The following SRD5A2 variants were observed in gnomAD, a reference collection of about 807,000 sequenced individuals.
The protein encoded by SRD5A2 is 3-oxo-5-alpha-steroid 4-dehydrogenase 2.
A neutral mutation model predicts 27.4 loss-of-function variants in SRD5A2; 30 were observed. The ratio of observed to expected loss-of-function variants is 1.10; its 90% CI spans 0.82 to 1.49. The LOEUF is 1.49. Ranked by LOEUF, SRD5A2 falls within the 40% of genes most tolerant of loss-of-function variation. The pLI is 0.00. For synonymous variants in SRD5A2, 141 were observed against 133.6 expected, an observed-to-expected ratio of 1.06 and a Z score of -0.38; for missense variants, 348 against 323.4, an observed-to-expected ratio of 1.08 and a Z score of -0.58.
chr2:31,585,740 C>A (rs1049355109), upstream of SRD5A2, among the ~76,000 whole-genome samples: 1 of 152,118 alleles, frequency 6.6e-6, no homozygotes, highest in Non-Finnish European at 1.5e-5. Flanking sequence ...GGTAAAGCAC[C>A]AAGCAAGCTC....
chr2:31,591,369 T>A, the SRD5A2 span, among the ~76,000 whole-genome samples: 2 of 152,088 alleles, frequency 1.3e-5, no homozygotes, highest in African/African-American at 2.4e-5. Flanking sequence ...GAGAAATGCA[T>A]ATCAAAACCA....
At chr2:31,605,867 G>C in the SRD5A2 span, among the ~76,000 whole-genome samples, 1 of 151,876 alleles carries the variant, frequency 6.6e-6, no homozygotes, top group East Asian at 1.9e-4. Flanking sequence ...TTGTAGCACT[G>C]TTCATAATAT....
At chr2:31,567,510 A>T (rs902950070) in intron 1 of SRD5A2, among the ~76,000 whole-genome samples, 1 of 150,874 alleles carries the variant, frequency 6.6e-6, no homozygotes, top group African/African-American at 2.4e-5. Context: ...TTCATGTCAC[A>T]TGAAGCCATG....
the SRD5A2 span, among the ~76,000 whole-genome samples, chr2:31,593,116 C>CG: frequency 4.7e-5 from 7 of 150,096 alleles, no homozygotes; most frequent in Non-Finnish European, 1.0e-4. Context: ...GTTGTGGGGT[C>CG]GGGGGAGAGG....
the SRD5A2 span, among the ~76,000 whole-genome samples, chr2:31,593,518 A>C: frequency 2.6e-5 from 4 of 152,180 alleles, no homozygotes; most frequent in Non-Finnish European, 5.9e-5. Context: ...AACAATTAAC[A>C]AAACCTCCAA....
intron 1 of SRD5A2, among the ~76,000 whole-genome samples, chr2:31,538,815 TA>T (rs1418644078): frequency 6.6e-6 from 1 of 152,248 alleles, no homozygotes; most frequent in African/African-American, 2.4e-5. Flanking sequence ...TTTACTAACA[TA>T]TTCTACTTTC....
In SRD5A2 at chr2:31,531,434, G is replaced by T; in HGVS notation, c.484C>A (p.His162Asn). 6.2e-7 allele frequency: 1 copy of T among 1,601,270 alleles called. No homozygotes were observed. The highest frequency in any genetic ancestry group is 8.5e-7 in the Non-Finnish European group (1 of 1,173,526). ...AGCTGGCGCAATATATAGTCACTAT[G>T]AATGTTTATTCCCATTCCCAAAATA... ...LFILGMGINI[H>N]SDYILRQLRK... The change falls in exon 3 of 5, where the codon CAT becomes AAT. Residue 162 changes from histidine (H) to asparagine (N), a missense_variant. By Grantham distance (68) the His-to-Asn change is moderately conservative (BLOSUM62 1). Coordinates refer to ENST00000622030, the MANE Select transcript of SRD5A2 (RefSeq NM_000348.4).
At chr2:31,661,773 C>T in the SRD5A2 span, among the ~76,000 whole-genome samples, 1 of 151,970 alleles carries the variant, frequency 6.6e-6, no homozygotes, top group African/African-American at 2.4e-5. Flanking sequence ...CCTCATTCTC[C>T]CTCACCTCTC....
the SRD5A2 span, chr2:31,651,237 A>G: frequency 1.3e-5 from 2 of 152,220 alleles, no homozygotes; most frequent in Non-Finnish European, 2.9e-5. Context: ...GAGATGCACA[A>G]AGACCATTAT....
At chr2:31,529,850 A>T (rs1353874702) in intron 3 of SRD5A2, among the ~76,000 whole-genome samples, 1 of 152,182 alleles carries the variant, frequency 6.6e-6, no homozygotes, top group African/African-American at 2.4e-5. Flanking sequence ...ACACGTTCAC[A>T]TTCACAGTCC....
the SRD5A2 span, among the ~76,000 whole-genome samples, chr2:31,648,024 G>A: frequency 2.6e-5 from 4 of 152,158 alleles, no homozygotes; most frequent in African/African-American, 9.7e-5. Context: ...CAAAGACTGT[G>A]TGCATGTTTT....
At position 31,522,796 on chromosome 2, in the gene SRD5A2, T is replaced by C; in HGVS notation, c.*3400A>G. The C allele has an allele frequency of 4.5e-6, 1 of 221,846 alleles. No homozygotes were observed. The highest frequency in any genetic ancestry group is 9.0e-6 in the Non-Finnish European group (1 of 110,806). 13.7% of individuals were successfully genotyped at this position (221,846 alleles called of 1,614,324 possible). A position where few individuals can be genotyped will look rare whatever the true frequency, so the allele number is the denominator to read the frequency against. On this transcript the variant is annotated 3_prime_UTR_variant, in exon 5 of 5. Transcript: ENST00000622030. ...TACATTTGCCGTTACCCTCCTTGTTTTCCCTGCATGGACCTCAGCTCACAG... is the reference window on the plus strand; with the variant it reads ...TACATTTGCCGTTACCCTCCTTGTTCTCCCTGCATGGACCTCAGCTCACAG...
chr2:31,592,465 T>C, the SRD5A2 span, among the ~76,000 whole-genome samples: 1 of 152,096 alleles, frequency 6.6e-6, no homozygotes, highest in East Asian at 1.9e-4. Context: ...CCCTGACACC[T>C]CCACCAGAGC....
chr2:31,580,734 T>C lies in SRD5A2; in HGVS notation c.167A>G (p.Gln56Arg), dbSNP rs1357268588. 31 of 1,608,976 alleles carry C rather than the reference T, an allele frequency of 1.9e-5. No homozygotes were observed. Among genetic ancestry groups the C allele is most frequent in the Middle Eastern group, 1.7e-4 (1 of 5,998 alleles). The change falls in exon 1 of 5, where the codon CAG becomes CGG. Residue 56 changes from glutamine to arginine, a missense_variant. Physicochemically the swap from Gln to Arg is conservative, Grantham distance 43. Transcript: ENST00000622030. ...RLPARAAWFL[Q>R]ELPSFAVPAG... Reference sequence around the variant, plus strand: ...GGGCACCGCGAAGGAAGGCAGCTCCTGCAGGAACCAGGCGGCGCGGGCTGG... The same window carrying C: ...GGGCACCGCGAAGGAAGGCAGCTCCCGCAGGAACCAGGCGGCGCGGGCTGG...
At chr2:31,564,997 A>C in intron 1 of SRD5A2, among the ~76,000 whole-genome samples, 1 of 152,092 alleles carries the variant, frequency 6.6e-6, no homozygotes, top group Middle Eastern at 3.4e-3. Flanking sequence ...GACGATTTAA[A>C]CAAAAATAAT....
At chr2:31,543,561 G>A (rs1164007059) in intron 1 of SRD5A2, among the ~76,000 whole-genome samples, 1 of 152,066 alleles carries the variant, frequency 6.6e-6, no homozygotes, top group African/African-American at 2.4e-5. Flanking sequence ...TGCATTTCAA[G>A]GAATTATTTA....
chr2:31,540,900 G>A (rs544820259), intron 1 of SRD5A2, among the ~76,000 whole-genome samples: 3 of 152,272 alleles, frequency 2.0e-5, no homozygotes, highest in Admixed American at 6.5e-5. Context: ...ATTGATGATT[G>A]CTGCTTCTGA....
At chr2:31,544,171 G>C (rs1322546062) in intron 1 of SRD5A2, among the ~76,000 whole-genome samples, 1 of 152,038 alleles carries the variant, frequency 6.6e-6, no homozygotes, top group East Asian at 1.9e-4. Flanking sequence ...CCTAATGACA[G>C]ACCATCAAAA....
the SRD5A2 span, among the ~76,000 whole-genome samples, chr2:31,630,295 TACAGAGAGAGAGAG>T: frequency 2.7e-5 from 4 of 148,780 alleles, no homozygotes; most frequent in Non-Finnish European, 6.0e-5. Context: ...GGAGGGAAGA[TACAGAGAGAGAGAG>T]ACAGAGAGAG....
Sources: gnomAD v4.1 joint callset for allele counts (sites outside exome capture counted in the v4.1 genomes callset) on GRCh38, gnomAD v4.1.1 for gene constraint, MANE v1.5 for transcripts, NCBI Gene and HGNC (gene_info 2026-07-23, HGNC 2026-07-21) for gene names.